VPS37B: variants seen among roughly 807,000 people sequenced by gnomAD.
VPS37B encodes VPS37B subunit of ESCRT-I, also known as vacuolar protein sorting-associated protein 37B.
A neutral mutation model predicts 21.2 loss-of-function variants in VPS37B; 11 were observed. The observed-to-expected ratio is 0.52, with a 90% CI of 0.33 to 0.86. The LOEUF (loss-of-function observed/expected upper bound fraction) is 0.86. VPS37B is among the 40% of genes least tolerant of loss of function. The pLI is 0.03. For missense variants in VPS37B, 389 were observed against 374.8 expected, an observed-to-expected ratio of 1.04 and a Z score of -0.31; for synonymous variants, 175 against 159.6, an observed-to-expected ratio of 1.10 and a Z score of -0.73.
intron 2 of VPS37B, chr12:122,869,960 C>T (rs966868258): frequency 6.6e-6 from 1 of 151,458 alleles, no homozygotes; most frequent in Non-Finnish European, 1.5e-5. Flanking sequence ...TTAGGATGCT[C>T]AACAATCTTT....
At chr12:122,884,393 C>T (rs567154285) in intron 1 of VPS37B, 1 of 152,152 alleles carries the variant, frequency 6.6e-6, no homozygotes, top group Non-Finnish European at 1.5e-5. Flanking sequence ...TCAAGAGAAT[C>T]AATTTATATC....
intron 1 of VPS37B, chr12:122,888,460 G>A (rs535338431): frequency 1.1e-5 from 5 of 438,710 alleles, no homozygotes; most frequent in South Asian, 3.2e-5. Flanking sequence ...TGTTCTGAGC[G>A]CCAGTGATTA....
Position 122,867,207 on chromosome 12 carries a change from G to A in VPS37B, c.767C>T (p.Ser256Phe). 6.3e-7 allele frequency: 1 copy of A among 1,575,054 alleles called. No homozygotes were observed. The highest frequency in any genetic ancestry group is 8.6e-7 in the Non-Finnish European group (1 of 1,163,584). Reference sequence around the variant, plus strand: ...CGGATATGGGGACACGAACTGCGAAGAGAATCCTTGCTGAGTGGGGAGGCC... The same window carrying A: ...CGGATATGGGGACACGAACTGCGAAAAGAATCCTTGCTGAGTGGGGAGGCC... ...RVGLPTQQGFSSQFVSPYPPP... is the reference protein window; with the variant it reads ...RVGLPTQQGFFSQFVSPYPPP... The change falls in exon 4 of 4, where the codon TCT becomes TTT. Residue 256 changes from serine to phenylalanine, a missense_variant. By Grantham distance (155) the Ser-to-Phe change is radical (BLOSUM62 -2). Coordinates refer to ENST00000267202, the MANE Select transcript of VPS37B (RefSeq NM_024667.3). This position sits in a 1 kb window ranked among gnomAD's most constrained non-coding sequence, Gnocchi z 5.5.
chr12:122,890,901 G>T (rs939403899), intron 1 of VPS37B, among the ~76,000 whole-genome samples: 1 of 152,134 alleles, frequency 6.6e-6, no homozygotes. Flanking sequence ...CCCTTACAAT[G>T]CCCTGCACAG....
chr12:122,867,749 C>G lies in VPS37B; in HGVS notation c.367-142G>C. On this transcript the variant is annotated intron_variant, in intron 3 of 3. Transcript: ENST00000267202. This position sits in a 1 kb window ranked among gnomAD's most constrained non-coding sequence, Gnocchi z 5.5. ...AACCACCCAGAGGGCCTCGCTCCTG[C>G]TCCAGATCCCAGAGGTCATGGGCTC... 9.0e-7 allele frequency: 1 copy of G among 1,109,108 alleles called. No individual in the cohort carries two copies. The highest frequency in any genetic ancestry group is 1.3e-6 in the Non-Finnish European group (1 of 771,686). 68.7% of individuals were successfully genotyped at this position (1,109,108 alleles called of 1,614,324 possible).
chr12:122,870,130 G>C (rs1040955239), intron 2 of VPS37B: 1 of 149,638 alleles, frequency 6.7e-6, no homozygotes, highest in Admixed American at 6.7e-5. Flanking sequence ...AATTCAGAAA[G>C]CTTTTTCTAT....
At chr12:122,888,723 G>T (rs900890733) in intron 1 of VPS37B, 8 of 368,594 alleles carry the variant, frequency 2.2e-5, no homozygotes, top group Non-Finnish European at 4.0e-5. Context: ...TGTTTCTCTC[G>T]TTTCTCCCCT....
Position 122,867,418 on chromosome 12 carries a change from T to C in VPS37B, c.556A>G (p.Thr186Ala), listed in dbSNP as rs1398148403. The C allele has an allele frequency of 5.3e-6, 8 of 1,517,580 alleles. No homozygotes were observed. Among genetic ancestry groups the C allele is most frequent in the Non-Finnish European group, 6.2e-6 (7 of 1,133,222 alleles). 94.0% of individuals were successfully genotyped at this position (1,517,580 alleles called of 1,614,324 possible). ...LPPRLPELAP[T>A]APLPYPAPEA... ...GGGGCAGGGTAGGGAAGGGGGGCGGTAGGTGCCAGTTCGGGCAGCCTGGGG... is the reference window on the plus strand; with the variant it reads ...GGGGCAGGGTAGGGAAGGGGGGCGGCAGGTGCCAGTTCGGGCAGCCTGGGG... The change falls in exon 4 of 4, where the codon ACC becomes GCC. Residue 186 changes from threonine to alanine, a missense_variant. Transcript: ENST00000267202. The surrounding 1 kb of genome is among the most constrained non-coding windows in gnomAD (Gnocchi z 5.5).
intron 2 of VPS37B, 99 bp downstream of exon 2, chr12:122,870,791 A>G: frequency 7.3e-7 from 1 of 1,371,528 alleles, no homozygotes; most frequent in Non-Finnish European, 1.0e-6. Context: ...TCTTAACCTG[A>G]AATTTTTCCG....
chr12:122,868,023 G>C lies in VPS37B; in HGVS notation c.367-416C>G, dbSNP rs149393060. Among the ~76,000 whole-genome samples the C allele has an allele frequency of 3.8e-3, 574 of 152,284 alleles. 2 individuals carry two copies. The highest frequency in any genetic ancestry group is 6.4e-3 in the Non-Finnish European group (433 of 68,000). On this transcript the variant is annotated intron_variant, in intron 3 of 3. Coordinates refer to ENST00000267202, the MANE Select transcript of VPS37B (RefSeq NM_024667.3). This position sits in a 1 kb window ranked among gnomAD's most constrained non-coding sequence, Gnocchi z 5.5. ...TGCCCCCAGGGCTTCAGAGTTCATC[G>C]AGCCCAGCCCTATCTTGGCAAGACC...
Position 122,871,028 on chromosome 12 carries a change from G to C in VPS37B, c.145C>G (p.Leu49Val), listed in dbSNP as rs755703157. The C allele has an allele frequency of 2.7e-5, 44 of 1,614,088 alleles. No homozygotes were observed. The highest frequency in any genetic ancestry group is 3.7e-5 in the Non-Finnish European group (44 of 1,180,034). ...QNVQLNKEMT[L>V]ASNRSLAEGN... ...TCTGCCAGGCTCCGGTTGCTGGCAAGTGTCATTTCTTTGTTAAGCTGAACA... is the reference window on the plus strand; with the variant it reads ...TCTGCCAGGCTCCGGTTGCTGGCAACTGTCATTTCTTTGTTAAGCTGAACA... Residue 49 changes from leucine (L) to valine (V), a missense_variant, in exon 2 of 4, where the codon CTT becomes GTT. Coordinates refer to ENST00000267202, the MANE Select transcript of VPS37B (RefSeq NM_024667.3).
chr12:122,876,798 A>G (rs1256185300), intron 1 of VPS37B: 1 of 152,028 alleles, frequency 6.6e-6, no homozygotes, highest in East Asian at 1.9e-4. Flanking sequence ...GTGGTAGAAA[A>G]TAAAGTCAGC....
At chr12:122,871,613 T>C (rs1048649576) in intron 1 of VPS37B, 35 of 985,280 alleles carry the variant, frequency 3.6e-5, no homozygotes, top group African/African-American at 1.0e-4. Flanking sequence ...CCACCCCAGC[T>C]CTTCTGAGCC....
intron 1 of VPS37B, among the ~76,000 whole-genome samples, chr12:122,891,757 A>C (rs1414437718): frequency 6.6e-6 from 1 of 152,220 alleles, no homozygotes; most frequent in African/African-American, 2.4e-5. Context: ...AATACATTTC[A>C]ATGAGCCATT....
intron 1 of VPS37B, chr12:122,879,015 C>T (rs7138257): frequency 0.95 from 144,889 of 152,346 alleles, 68,946 homozygotes; most frequent in East Asian, 0.99. Flanking sequence ...CATGTGAAGA[C>T]GGGGGCAGCA....
In VPS37B at chr12:122,865,392, C is replaced by A. The variant is rs1275987959; in HGVS notation, c.*1724G>T. 1.3e-5 allele frequency: 2 copies of A among 152,244 alleles called. No individual in the cohort carries two copies. The highest frequency in any genetic ancestry group is 2.9e-5 in the Non-Finnish European group (2 of 68,046). The allele number at this position is 152,244 out of a possible 1,614,324, so 9.4% of individuals were successfully genotyped here. The stretch of plus-strand genomic sequence containing the variant: ...AGCTTTACAGCCACAGCACCGGACA[C>A]GGCCCTGGACAGCGACGGCGAGCCC... On this transcript the variant is annotated 3_prime_UTR_variant, in exon 4 of 4. Transcript: ENST00000267202.
At chr12:122,871,482 C>T in intron 1 of VPS37B, 1 of 988,802 alleles carries the variant, frequency 1.0e-6, no homozygotes, top group Non-Finnish European at 1.2e-6. Context: ...AGCAGGAGAC[C>T]AGTTGGCATG....
At chr12:122,890,516 T>C (rs909834836) in intron 1 of VPS37B, among the ~76,000 whole-genome samples, 9 of 152,200 alleles carry the variant, frequency 5.9e-5, no homozygotes, top group Non-Finnish European at 4.4e-5. Context: ...TTTGTAGAGA[T>C]GGAGTTTCGC....
At chr12:122,894,646 C>T (rs11060623) in intron 1 of VPS37B, among the ~76,000 whole-genome samples, 34,187 of 152,150 alleles carry the variant, frequency 0.22, 4,727 homozygotes, top group Non-Finnish European at 0.31. Flanking sequence ...TAGCCTGGGC[C>T]CACCTGCCTG....
Sources: allele counts gnomAD v4.1 joint callset (sites outside exome capture counted in the v4.1 genomes callset), GRCh38; gene constraint gnomAD v4.1.1; non-coding constraint Gnocchi (gnomAD v3.1); transcripts MANE v1.5; gene names NCBI Gene and HGNC (gene_info 2026-07-23, HGNC 2026-07-21).